Variants in ZFAND1 observed in about 807,000 individuals in gnomAD.
ZFAND1 encodes the protein AN1-type zinc finger protein 1.
In ZFAND1, 40 loss-of-function variants were observed where a neutral mutation model predicts 38.5. The ratio of observed to expected loss-of-function variants is 1.04; its 90% CI spans 0.81 to 1.35. The LOEUF is 1.35. Ranked by LOEUF, ZFAND1 falls within the 40% of genes most tolerant of loss-of-function variation. The probability of loss-of-function intolerance (pLI) is 0.00; values close to 1 mark genes in which losing one functional copy is unlikely to be tolerated. For missense variants in ZFAND1, 346 were observed against 316.3 expected, an observed-to-expected ratio of 1.09 and a Z score of -0.71; for synonymous variants, 117 against 103.6, an observed-to-expected ratio of 1.13 and a Z score of -0.78.
intron 1 of ZFAND1, 180 bp downstream of exon 1, chr8:81,721,047 G>A (rs1015777351): frequency 2.4e-5 from 14 of 588,582 alleles, no homozygotes; most frequent in Non-Finnish European, 3.9e-5. Flanking sequence ...AAAAGCTCAC[G>A]GCCAAAAAAA....
At chr8:81,713,857 T>C (rs767503472) in intron 6 of ZFAND1, 61 bp downstream of exon 6, 28 of 1,545,048 alleles carry the variant, frequency 1.8e-5, no homozygotes, top group Non-Finnish European at 2.2e-5. Context: ...GAAGGAGGAA[T>C]ACAAAGAGGA....
At chr8:81,709,428 T>C (rs2046787) in intron 6 of ZFAND1, among the ~76,000 whole-genome samples, 86,413 of 151,948 alleles carry the variant, frequency 0.57, 25,073 homozygotes, top group Admixed American at 0.62. Flanking sequence ...GCTTGGTATA[T>C]AGAAAGTATT....
chr8:81,714,797 T>C lies in ZFAND1; in HGVS notation c.358+7A>G, dbSNP rs557934320. On this transcript the variant is annotated splice_region_variant and intron_variant, in intron 5 of 7. Coordinates refer to ENST00000220669, the MANE Select transcript of ZFAND1 (RefSeq NM_024699.3). The stretch of plus-strand genomic sequence containing the variant: ...AAAGCAACAAAACACGCTTTCTAGA[T>C]ACTTACCAATAATGTCTTTAACAAG... 2 of 1,613,458 alleles carry C rather than the reference T, an allele frequency of 1.2e-6. No individual in the cohort carries two copies. The highest frequency in any genetic ancestry group is 2.2e-5 in the East Asian group (1 of 44,866).
intron 6 of ZFAND1, among the ~76,000 whole-genome samples, chr8:81,705,786 G>T (rs913954222): frequency 1.3e-5 from 2 of 152,192 alleles, no homozygotes; most frequent in Non-Finnish European, 2.9e-5. Context: ...AGGTGTGGGG[G>T]CACGCGCCTG....
chr8:81,717,240 C>A lies in ZFAND1; in HGVS notation c.138+9G>T. On this transcript the variant is annotated intron_variant, in intron 3 of 7. Coordinates refer to ENST00000220669, the MANE Select transcript of ZFAND1 (RefSeq NM_024699.3). ...TACATTTTATCAGATTGGAAAAATA[C>A]TAACATACCTCAGGACAACCATGAG... 2 of 1,535,216 alleles carry A rather than the reference C, an allele frequency of 1.3e-6. No homozygotes were observed. The highest frequency in any genetic ancestry group is 1.7e-6 in the Non-Finnish European group (2 of 1,150,638).
intron 2 of ZFAND1, among the ~76,000 whole-genome samples, chr8:81,717,694 A>G (rs1206813600): frequency 6.6e-6 from 1 of 152,108 alleles, no homozygotes; most frequent in Non-Finnish European, 1.5e-5. Context: ...AAAAAAATTC[A>G]TTCTTTCAGT....
intron 6 of ZFAND1, among the ~76,000 whole-genome samples, chr8:81,709,175 C>T (rs1376398501): frequency 6.6e-6 from 1 of 152,076 alleles, no homozygotes; most frequent in Non-Finnish European, 1.5e-5. Flanking sequence ...GAAGAGAATG[C>T]AGTTTGTAAA....
rs1808001727 is a variant in ZFAND1 at position 81,706,929 on chromosome 8, T to A, written c.481-3805A>T. ...GTAGCAATGAAAATAAGGAATACAATATAAAAGAAGAAAAATATGAAATGT... is the reference window on the plus strand; with the variant it reads ...GTAGCAATGAAAATAAGGAATACAAAATAAAAGAAGAAAAATATGAAATGT... On this transcript the variant is annotated intron_variant, in intron 6 of 7. Transcript: ENST00000220669. Among the ~76,000 whole-genome samples the A allele has an allele frequency of 2.0e-5, 3 of 151,746 alleles. No homozygotes were observed. The South Asian group carries it at 6.2e-4, about 31-fold the overall frequency.
rs747593298 is a variant in ZFAND1 at position 81,702,089 on chromosome 8, G to A, written c.*606C>T. The A allele has an allele frequency of 6.6e-6, 1 of 152,028 alleles. No individual in the cohort carries two copies. Among genetic ancestry groups the A allele is most frequent in the Admixed American group, 6.6e-5 (1 of 15,260 alleles). The allele number at this position is 152,028 out of a possible 1,614,324, so 9.4% of individuals were successfully genotyped here. ...AAAGAAAATCATTTTCTCCTCCTAG[G>A]CCTAAGATTCTTCATGTAAAAATTA... is the stretch of plus-strand genomic sequence containing the variant. On this transcript the variant is annotated 3_prime_UTR_variant, in exon 8 of 8. Transcript: ENST00000220669.
At chr8:81,717,155 C>G in intron 3 of ZFAND1, 94 bp downstream of exon 3, 2 of 1,059,586 alleles carry the variant, frequency 1.9e-6, no homozygotes, top group Non-Finnish European at 2.7e-6. Flanking sequence ...AAACTTTAAT[C>G]TGTGATACTG....
At chr8:81,709,634 CATGT>C (rs759526078) in intron 6 of ZFAND1, among the ~76,000 whole-genome samples, 2 of 151,956 alleles carry the variant, frequency 1.3e-5, no homozygotes, top group Non-Finnish European at 2.9e-5. Context: ...ATATATTATA[CATGT>C]ATGTATAAAC....
intron 2 of ZFAND1, 78 bp from the exon 3 acceptor site, chr8:81,717,366 C>T: frequency 8.8e-7 from 1 of 1,140,484 alleles, no homozygotes; most frequent in Non-Finnish European, 1.2e-6. Context: ...TTTTAATGTT[C>T]AGTATACTTA....
chr8:81,718,935 A>G (rs1808390342), intron 1 of ZFAND1, among the ~76,000 whole-genome samples: 1 of 151,970 alleles, frequency 6.6e-6, no homozygotes, highest in Non-Finnish European at 1.5e-5. Flanking sequence ...AGAAAGATAT[A>G]GACAGGTAGA....
chr8:81,715,229 T>G (rs1403189999), intron 3 of ZFAND1, 115 bp from the exon 4 acceptor site: 1 of 999,370 alleles, frequency 1.0e-6, no homozygotes, highest in Non-Finnish European at 1.5e-6. Flanking sequence ...TAGAGCAAGT[T>G]ACTTACTCTC....
rs113513050 is a variant in ZFAND1, at chr8:81,715,001, C to A, written c.252G>T (p.Lys84Asn). 9 of 1,614,008 alleles carry A rather than the reference C, an allele frequency of 5.6e-6. 1 individual carries two copies. Among genetic ancestry groups the A allele is most frequent in the African/African-American group, 4.0e-5 (3 of 75,028 alleles). The change falls in exon 4 of 8, where the codon AAG becomes AAT. Residue 84 changes from lysine to asparagine, a missense_variant. Coordinates refer to ENST00000220669, the MANE Select transcript of ZFAND1 (RefSeq NM_024699.3). ...LVAVICPYCEKNFCLRHRHQS... is the reference protein window; with the variant it reads ...LVAVICPYCENNFCLRHRHQS... ...TGATCAATCACCTCAGGCAAAAATT[C>A]TTCTCACAATAAGGACATATAACTG...
chr8:81,719,352 C>CACAA (rs1808406060), intron 1 of ZFAND1, among the ~76,000 whole-genome samples: 1 of 149,760 alleles, frequency 6.7e-6, no homozygotes, highest in Non-Finnish European at 1.5e-5. Context: ...CACACACACA[C>CACAA]ACAAATTAGC....
intron 5 of ZFAND1, chr8:81,714,353 A>C: frequency 3.7e-6 from 1 of 269,410 alleles, no homozygotes; most frequent in Non-Finnish European, 7.0e-6. Flanking sequence ...GATTGTAATA[A>C]AGGTACTATC....
intron 6 of ZFAND1, among the ~76,000 whole-genome samples, chr8:81,704,293 T>C (rs1807905211): frequency 6.6e-6 from 1 of 152,038 alleles, no homozygotes; most frequent in African/African-American, 2.4e-5. Flanking sequence ...TCCTAGCACT[T>C]CGGGAGGTTA....
chr8:81,715,109 A>G lies in ZFAND1; in HGVS notation c.144T>C (p.Thr48=). 6.2e-7 allele frequency: 1 copy of G among 1,613,580 alleles called. No homozygotes were observed. The highest frequency in any genetic ancestry group is 8.5e-7 in the Non-Finnish European group (1 of 1,179,668). ...CTGTCTTCAGTCTCTCATTGATTAC[A>G]GTCACCTGAAAATGCAAAAAGGAGG... ...SRESHGCPEV[T]VINERLKTDQ... is the part of the protein sequence containing the mutation. Residue 48 remains threonine, a synonymous_variant, in exon 4 of 8, where the codon ACT becomes ACC. Coordinates refer to ENST00000220669, the MANE Select transcript of ZFAND1 (RefSeq NM_024699.3).
Sources: allele counts gnomAD v4.1 joint callset (sites outside exome capture counted in the v4.1 genomes callset), GRCh38; gene constraint gnomAD v4.1.1; transcripts MANE v1.5; gene names NCBI Gene and HGNC (gene_info 2026-07-23, HGNC 2026-07-21).